The following KCNMA1 variants were observed in gnomAD, a reference collection of about 807,000 sequenced individuals.
The protein encoded by KCNMA1 is Calcium-activated potassium channel subunit alpha-1.
Under a neutral mutation model 140.0 loss-of-function variants are expected in KCNMA1, and 29 were observed. The observed-to-expected ratio is 0.21, with a 90% CI of 0.15 to 0.28. The LOEUF (loss-of-function observed/expected upper bound fraction) is 0.28. KCNMA1 is among the 10% of genes least tolerant of loss of function. KCNMA1 has a pLI of 1.00. For missense variants in KCNMA1, 880 were observed against 1,602.2 expected (o/e 0.55, Z 7.70); for synonymous variants, 612 against 611.9 (o/e 1.00, Z 0.00).
chr10:77,283,389 C>T (rs1226263462), intron 2 of KCNMA1, among the ~76,000 whole-genome samples: 3 of 152,210 alleles, frequency 2.0e-5, no homozygotes, highest in African/African-American at 7.2e-5. Context: ...CCCATTGCAG[C>T]TGGCTGTCCT....
chr10:77,107,726 C>T (rs2097224395), intron 9 of KCNMA1, among the ~76,000 whole-genome samples: 1 of 152,208 alleles, frequency 6.6e-6, no homozygotes, highest in African/African-American at 2.4e-5. Flanking sequence ...CCCTAAACTA[C>T]CAGAAATATA....
intron 1 of KCNMA1, among the ~76,000 whole-genome samples, chr10:77,407,415 A>C (rs747575529): frequency 2.6e-5 from 4 of 152,252 alleles, no homozygotes; most frequent in African/African-American, 9.6e-5. Flanking sequence ...GGCAGAGTCC[A>C]TTATAAGAGT....
chr10:77,014,775 C>A (rs2091652857), intron 17 of KCNMA1, among the ~76,000 whole-genome samples: 1 of 152,174 alleles, frequency 6.6e-6, no homozygotes, highest in South Asian at 2.1e-4. Context: ...CCATGGTGAT[C>A]TGGAGCAGGC....
intron 2 of KCNMA1, among the ~76,000 whole-genome samples, chr10:77,393,347 C>T (rs529157360): frequency 6.6e-5 from 10 of 152,196 alleles, no homozygotes; most frequent in African/African-American, 2.2e-4. Context: ...CATACCAGCC[C>T]ATTTCCTCCA....
intron 19 of KCNMA1, among the ~76,000 whole-genome samples, chr10:76,982,745 T>C (rs371455836): frequency 3.3e-5 from 5 of 152,144 alleles, no homozygotes; most frequent in African/African-American, 1.2e-4. Flanking sequence ...TCAAAGAGGA[T>C]AGTGGGTGGG....
At chr10:77,567,784 T>A (rs1016545379) in intron 1 of KCNMA1, among the ~76,000 whole-genome samples, 1 of 149,554 alleles carries the variant, frequency 6.7e-6, no homozygotes, top group African/African-American at 2.4e-5. Context: ...AAACTGTAAA[T>A]TATTTTTTTT....
chr10:76,961,506 G>T (rs1188561189), intron 20 of KCNMA1, among the ~76,000 whole-genome samples: 2 of 152,226 alleles, frequency 1.3e-5, no homozygotes, highest in Non-Finnish European at 2.9e-5. Context: ...CTTAGTTGAT[G>T]AAGCAGCAGC....
chr10:77,566,438 G>T lies in KCNMA1; in HGVS notation c.378+70827C>A, dbSNP rs141086579. Among the ~76,000 whole-genome samples the T allele has an allele frequency of 5.4e-3, 816 of 152,306 alleles. 4 individuals are homozygous for T. Among genetic ancestry groups the T allele is most frequent in the African/African-American group, 0.019 (795 of 41,562 alleles). ...GGCATTTCTGGAGTGTCCTGATGCT[G>T]GCTGCAGCTGTCCCACGGAAGGCCA... On this transcript the variant is annotated intron_variant, in intron 1 of 27. Coordinates refer to ENST00000286628, the MANE Select transcript of KCNMA1 (RefSeq NM_001161352.2).
chr10:77,384,540 G>A (rs1458023034), intron 2 of KCNMA1, among the ~76,000 whole-genome samples: 4 of 152,158 alleles, frequency 2.6e-5, no homozygotes, highest in Admixed American at 6.5e-5. Flanking sequence ...ACCATCCATC[G>A]TCACATCCAC....
chr10:77,507,205 A>G (rs185101687), intron 1 of KCNMA1, among the ~76,000 whole-genome samples: 2 of 152,370 alleles, frequency 1.3e-5, no homozygotes, highest in South Asian at 2.1e-4. Flanking sequence ...AAACAGCTCT[A>G]TGGAACACCA....
At chr10:77,613,118 A>C (rs547006948) in intron 1 of KCNMA1, among the ~76,000 whole-genome samples, 19 of 152,274 alleles carry the variant, frequency 1.2e-4, no homozygotes, top group South Asian at 8.3e-4. Context: ...CTTAACCTCT[A>C]TGAGTCTCAG....
intron 1 of KCNMA1, among the ~76,000 whole-genome samples, chr10:77,515,992 A>G (rs2050273757): frequency 6.6e-6 from 1 of 152,194 alleles, no homozygotes; most frequent in South Asian, 2.1e-4. Context: ...TGGAACACAG[A>G]GCAGCTCCAC....
chr10:77,390,054 G>A (rs921330663), intron 2 of KCNMA1, among the ~76,000 whole-genome samples: 10 of 152,332 alleles, frequency 6.6e-5, no homozygotes, highest in Admixed American at 3.9e-4. Context: ...CACAGTAGAT[G>A]TGAGCCTAAC....
intron 1 of KCNMA1, among the ~76,000 whole-genome samples, chr10:77,407,823 G>A (rs891266952): frequency 6.6e-6 from 1 of 152,198 alleles, no homozygotes. Context: ...TGGGGCTGGG[G>A]CCTCTAAGAG....
intron 22 of KCNMA1, among the ~76,000 whole-genome samples, chr10:76,948,649 G>C (rs890207524): frequency 6.6e-6 from 1 of 152,138 alleles, no homozygotes; most frequent in Non-Finnish European, 1.5e-5. Flanking sequence ...ATGAACAGGG[G>C]TTGGGGCTGA....
In KCNMA1 at chr10:76,887,479, G is replaced by T; in HGVS notation, c.3498C>A (p.Leu1166=). The T allele has an allele frequency of 6.2e-7, 1 of 1,614,138 alleles. No individual in the cohort carries two copies. The highest frequency in any genetic ancestry group is 8.5e-7 in the Non-Finnish European group (1 of 1,180,022). ...AGCAGAAGATCAGGTCCGTCGGCAC[G>T]AGCTCAAACTCATAGGGCGGGTTGG... ...VITNPPYEFE[L]VPTDLIFCLM... is the part of the protein sequence containing the mutation. The change falls in exon 28 of 28, where the codon CTC becomes CTA. Residue 1166 remains leucine, a synonymous_variant. Transcript: ENST00000286628.
chr10:76,876,699 C>T (rs907506740), downstream of KCNMA1: 1 of 152,142 alleles, frequency 6.6e-6, no homozygotes, highest in Non-Finnish European at 1.5e-5. Context: ...TAGAAATTTC[C>T]TGGTTTTTAA....
At chr10:77,472,225 T>C (rs1160394569) in intron 1 of KCNMA1, among the ~76,000 whole-genome samples, 1 of 149,674 alleles carries the variant, frequency 6.7e-6, no homozygotes, top group East Asian at 2.0e-4. Flanking sequence ...ACACACACAC[T>C]ATACATACAT....
chr10:77,431,936 T>C (rs1430718518), intron 1 of KCNMA1, among the ~76,000 whole-genome samples: 4 of 151,456 alleles, frequency 2.6e-5, no homozygotes, highest in Non-Finnish European at 4.4e-5. Flanking sequence ...GAGGTTGCAG[T>C]GAGCCAAGAT....
Sources: gnomAD v4.1 joint callset for allele counts (sites outside exome capture counted in the v4.1 genomes callset) on GRCh38, gnomAD v4.1.1 for gene constraint, MANE v1.5 for transcripts, NCBI Gene and HGNC (gene_info 2026-07-23, HGNC 2026-07-21) for gene names.